The following AGBL4 variants were observed in gnomAD, a reference collection of about 807,000 sequenced individuals.
AGBL4 encodes cytosolic carboxypeptidase 6.
A neutral mutation model predicts 66.4 loss-of-function variants in AGBL4; 58 were observed. The ratio of observed to expected loss-of-function variants is 0.87; its 90% CI spans 0.71 to 1.09. The LOEUF (loss-of-function observed/expected upper bound fraction) is 1.09, where lower values mean the gene tolerates loss of function less well. Among genes scored for constraint, AGBL4 ranks in the 50% least tolerant of loss-of-function variants. The pLI is 0.00. For synonymous variants in AGBL4, 234 were observed against 222.9 expected (o/e 1.05, Z -0.44); for missense variants, 579 against 631.0 (o/e 0.92, Z 0.88).
intron 9 of AGBL4, among the ~76,000 whole-genome samples, chr1:48,632,334 C>A (rs1645606876): frequency 6.6e-6 from 1 of 152,190 alleles, no homozygotes; most frequent in African/African-American, 2.4e-5. Context: ...TTCCTAACAT[C>A]TCTGTAACTC....
intron 8 of AGBL4, among the ~76,000 whole-genome samples, chr1:48,640,601 G>T (rs1023458633): frequency 1.3e-5 from 2 of 152,204 alleles, no homozygotes; most frequent in Non-Finnish European, 2.9e-5. Flanking sequence ...ATCCAAGAAA[G>T]ATTTCATCTT....
chr1:48,607,878 T>A (rs561203250), intron 9 of AGBL4, among the ~76,000 whole-genome samples: 1 of 152,186 alleles, frequency 6.6e-6, no homozygotes, highest in Non-Finnish European at 1.5e-5. Context: ...ACAGCTCACA[T>A]TGGACATCAT....
At chr1:48,858,289 T>C (rs567779002) in intron 6 of AGBL4, among the ~76,000 whole-genome samples, 15 of 152,210 alleles carry the variant, frequency 9.9e-5, no homozygotes, top group African/African-American at 1.7e-4. Flanking sequence ...AAAATCTTTA[T>C]TGTAAAGTTT....
chr1:48,855,596 C>T (rs1647130184), intron 6 of AGBL4, among the ~76,000 whole-genome samples: 1 of 152,116 alleles, frequency 6.6e-6, no homozygotes, highest in South Asian at 2.1e-4. Context: ...ATTCCTTAAA[C>T]ATATTAATGG....
intron 5 of AGBL4, among the ~76,000 whole-genome samples, chr1:49,024,997 T>TA (rs1448446790): frequency 2.0e-5 from 3 of 152,090 alleles, no homozygotes; most frequent in Non-Finnish European, 4.4e-5. Flanking sequence ...GGGTAGAGGG[T>TA]AGGGTGCTAA....
chr1:49,509,999 C>T (rs1649060706), intron 3 of AGBL4, among the ~76,000 whole-genome samples: 1 of 151,974 alleles, frequency 6.6e-6, no homozygotes, highest in Non-Finnish European at 1.5e-5. Flanking sequence ...GAGCAAAAGG[C>T]TAATTGTACA....
At chr1:49,044,752 T>A (rs1464889877) in intron 5 of AGBL4, among the ~76,000 whole-genome samples, 2 of 152,076 alleles carry the variant, frequency 1.3e-5, no homozygotes, top group Non-Finnish European at 2.9e-5. Flanking sequence ...TGAAAAAGAC[T>A]CAACCAGCCA....
intron 3 of AGBL4, among the ~76,000 whole-genome samples, chr1:49,650,247 G>A (rs1193200931): frequency 6.6e-6 from 1 of 152,180 alleles, no homozygotes; most frequent in Non-Finnish European, 1.5e-5. Context: ...GTCTGTGAGA[G>A]CCCATAGGAA....
intron 1 of AGBL4, among the ~76,000 whole-genome samples, chr1:49,965,939 ATTTTTTT>A (rs1166636337): frequency 1.5e-5 from 2 of 136,526 alleles, no homozygotes; most frequent in South Asian, 2.3e-4. Context: ...TATTACAATG[ATTTTTTT>A]TTTTTTTTTT....
At chr1:49,268,412 ACACACACACAC>A (rs1643975790) in intron 3 of AGBL4, among the ~76,000 whole-genome samples, 1 of 20,448 alleles carries the variant, frequency 4.9e-5, no homozygotes. Context: ...TTTTTTAAAC[ACACACACACAC>A]ACACACACAC....
At chr1:48,652,581 G>A (rs1021762341) in intron 8 of AGBL4, among the ~76,000 whole-genome samples, 2 of 152,160 alleles carry the variant, frequency 1.3e-5, no homozygotes, top group Non-Finnish European at 2.9e-5. Flanking sequence ...GTCGTGGGCC[G>A]AACGAGCTCT....
At chr1:49,514,732 G>C (rs1649616547) in intron 3 of AGBL4, among the ~76,000 whole-genome samples, 1 of 151,948 alleles carries the variant, frequency 6.6e-6, no homozygotes, top group South Asian at 2.1e-4. Context: ...AAATAATGCT[G>C]CATATCTACA....
At chr1:48,713,356 A>C (rs320061) in intron 6 of AGBL4, among the ~76,000 whole-genome samples, 124,886 of 152,060 alleles carry the variant, frequency 0.82, 54,702 homozygotes, top group East Asian at 0.97. Flanking sequence ...CTTAGGGGAC[A>C]GCCAGGTTTC....
intron 6 of AGBL4, among the ~76,000 whole-genome samples, chr1:48,815,776 T>G (rs1646159088): frequency 6.6e-6 from 1 of 152,164 alleles, no homozygotes; most frequent in African/African-American, 2.4e-5. Flanking sequence ...CATCTTGTTC[T>G]TCACTGTATG....
At chr1:49,822,645 A>G (rs978404029) in intron 2 of AGBL4, among the ~76,000 whole-genome samples, 1 of 152,172 alleles carries the variant, frequency 6.6e-6, no homozygotes, top group African/African-American at 2.4e-5. Flanking sequence ...ATCCACATTG[A>G]TATCTTACTC....
At chr1:49,574,202 G>C (rs1026107237) in intron 3 of AGBL4, among the ~76,000 whole-genome samples, 3 of 152,162 alleles carry the variant, frequency 2.0e-5, no homozygotes, top group Non-Finnish European at 2.9e-5. Context: ...GAAATCTGGA[G>C]AACAGGCATA....
intron 2 of AGBL4, among the ~76,000 whole-genome samples, chr1:49,824,492 T>C (rs1645455619): frequency 6.6e-6 from 1 of 152,146 alleles, no homozygotes; most frequent in African/African-American, 2.4e-5. Flanking sequence ...AACAAAGAAA[T>C]GATTGATAAT....
At chr1:48,596,968 A>G (rs1425255128) in intron 9 of AGBL4, among the ~76,000 whole-genome samples, 1 of 150,766 alleles carries the variant, frequency 6.6e-6, no homozygotes, top group Non-Finnish European at 1.5e-5. Context: ...TCCATCCTAC[A>G]CTCTGGCCTT....
chr1:49,660,172 C>T (rs756907777), intron 3 of AGBL4, among the ~76,000 whole-genome samples: 2 of 151,980 alleles, frequency 1.3e-5, no homozygotes, highest in Non-Finnish European at 2.9e-5. Context: ...CAGGCAACTA[C>T]AAAGTAGGAG....
Sources: gnomAD v4.1 joint callset for allele counts (sites outside exome capture counted in the v4.1 genomes callset) on GRCh38, gnomAD v4.1.1 for gene constraint, MANE v1.5 for transcripts, NCBI Gene and HGNC (gene_info 2026-07-23, HGNC 2026-07-21) for gene names.